KRTAP10-12: variants seen among roughly 807,000 people sequenced by gnomAD.
KRTAP10-12 encodes keratin-associated protein 10-12.
For synonymous variants in KRTAP10-12, 142 were observed against 139.1 expected (o/e 1.02, Z -0.14); for missense variants, 311 against 324.4 (o/e 0.96, Z 0.32).
Position 44,697,186 on chromosome 21 carries a change from C to T in KRTAP10-12, c.-16C>T. 1.2e-6 allele frequency: 2 copies of T among 1,610,210 alleles called. No homozygotes were observed. The highest frequency in any genetic ancestry group is 1.7e-6 in the Non-Finnish European group (2 of 1,177,958). ...TCAGCTCCCCCAGCTCAACCCCCAGCACGGCTGCATCCACCATGTCCGTCT... is the reference window on the plus strand; with the variant it reads ...TCAGCTCCCCCAGCTCAACCCCCAGTACGGCTGCATCCACCATGTCCGTCT... On this transcript the variant is annotated 5_prime_UTR_variant, in exon 1 of 1. Transcript: ENST00000400365.
In KRTAP10-12 at chr21:44,697,426, C is replaced by T. The variant is rs782731388; in HGVS notation, c.225C>T (p.Gly75=). 1 of 1,613,952 alleles carries T rather than the reference C, an allele frequency of 6.2e-7. No homozygotes were observed. Among genetic ancestry groups the T allele is most frequent in the Non-Finnish European group, 8.5e-7 (1 of 1,180,018 alleles). ...GTGAGCCCAGCCCCTGCCAATCAGGCTGCACCAGCTCCTGCACGCCCTCGT... is the reference window on the plus strand; with the variant it reads ...GTGAGCCCAGCCCCTGCCAATCAGGTTGCACCAGCTCCTGCACGCCCTCGT... ...VTCEPSPCQS[G]CTSSCTPSCC... The change falls in exon 1 of 1, where the codon GGC becomes GGT. Residue 75 remains glycine (G), a synonymous_variant. Coordinates refer to ENST00000400365, the MANE Select transcript of KRTAP10-12 (RefSeq NM_198699.1).
rs1555950714 is a variant in KRTAP10-12 at position 44,697,222 on chromosome 21, C to T, written c.21C>T (p.Asp7=). The change falls in exon 1 of 1, where the codon GAC becomes GAT. Residue 7 remains aspartate (D), a synonymous_variant. Coordinates refer to ENST00000400365, the MANE Select transcript of KRTAP10-12 (RefSeq NM_198699.1). The stretch of plus-strand genomic sequence containing the variant: ...CCACCATGTCCGTCTGCTCCAGCGA[C>T]CTGAGCTATGGCAGCCGCGTCTGCC... MSVCSS[D]LSYGSRVCLP... 1 of 1,613,934 alleles carries T rather than the reference C, an allele frequency of 6.2e-7. No homozygotes were observed. Among genetic ancestry groups the T allele is most frequent in the African/African-American group, 1.3e-5 (1 of 74,928 alleles).
At position 44,697,436 on chromosome 21, in the gene KRTAP10-12, T is replaced by C. The variant is rs782454906; in HGVS notation, c.235T>C (p.Ser79Pro). ...PSPCQSGCTS[S>P]CTPSCCQQSS... ...CCCCTGCCAATCAGGCTGCACCAGC[T>C]CCTGCACGCCCTCGTGCTGCCAGCA... Residue 79 changes from serine (S) to proline (P), a missense_variant, in exon 1 of 1, where the codon TCC (serine) becomes CCC (proline). Transcript: ENST00000400365. The C allele has an allele frequency of 1.9e-6, 3 of 1,613,864 alleles. No homozygotes were observed. Among genetic ancestry groups the C allele is most frequent in the Admixed American group, 1.7e-5 (1 of 60,010 alleles).
Position 44,697,755 on chromosome 21 carries a change from C to T in KRTAP10-12, c.554C>T (p.Thr185Ile), listed in dbSNP as rs782260028. 1.9e-6 allele frequency: 3 copies of T among 1,614,096 alleles called. No individual in the cohort carries two copies. Among genetic ancestry groups the T allele is most frequent in the South Asian group, 2.2e-5 (2 of 91,070 alleles). The change falls in exon 1 of 1, where the codon ACC becomes ATC. Residue 185 changes from threonine (T) to isoleucine (I), a missense_variant. Transcript: ENST00000400365. ...TCTAGCTGCCAGCCAGCTTGCTGCA[C>T]CACCTCCTGCTGCAGACCCTCCTCC... ...QQSSCQPACC[T>I]TSCCRPSSSV...
chr21:44,697,250 C>T lies in KRTAP10-12; in HGVS notation c.49C>T (p.Pro17Ser), dbSNP rs782534862. The change falls in exon 1 of 1, where the codon CCT (proline) becomes TCT (serine). Residue 17 changes from proline (P) to serine (S), a missense_variant. Pro to Ser is a moderately conservative substitution (Grantham distance 74, BLOSUM62 -1). Coordinates refer to ENST00000400365, the MANE Select transcript of KRTAP10-12 (RefSeq NM_198699.1). ...GAGCTATGGCAGCCGCGTCTGCCTT[C>T]CTGGTTCCTGTGACTCTTGCTCCGA... is the stretch of plus-strand genomic sequence containing the variant. Reference protein sequence around the residue: ...DLSYGSRVCLPGSCDSCSDSW... With the variant: ...DLSYGSRVCLSGSCDSCSDSW... 1 of 1,613,996 alleles carries T rather than the reference C, an allele frequency of 6.2e-7. No individual in the cohort carries two copies. The highest frequency in any genetic ancestry group is 1.1e-5 in the South Asian group (1 of 91,074).
chr21:44,697,560 G>A lies in KRTAP10-12; in HGVS notation c.359G>A (p.Cys120Tyr). ...CKTVCCKPVC[C>Y]MPVCCGPSSS... ...ACTGTCTGCTGCAAGCCTGTGTGCT[G>A]TATGCCCGTCTGCTGTGGGCCTTCT... The change falls in exon 1 of 1, where the codon TGT becomes TAT. Residue 120 changes from cysteine to tyrosine, a missense_variant. Transcript: ENST00000400365. 1 of 1,613,116 alleles carries A rather than the reference G, an allele frequency of 6.2e-7. No individual in the cohort carries two copies. The highest frequency in any genetic ancestry group is 8.5e-7 in the Non-Finnish European group (1 of 1,179,784).
chr21:44,697,259 T>C lies in KRTAP10-12; in HGVS notation c.58T>C (p.Cys20Arg), dbSNP rs782230840. Residue 20 changes from cysteine to arginine, a missense_variant, in exon 1 of 1, where the codon TGT (cysteine) becomes CGT (arginine). Coordinates refer to ENST00000400365, the MANE Select transcript of KRTAP10-12 (RefSeq NM_198699.1). ...YGSRVCLPGS[C>R]DSCSDSWQVD... ...CAGCCGCGTCTGCCTTCCTGGTTCC[T>C]GTGACTCTTGCTCCGACTCCTGGCA... 6 of 1,613,998 alleles carry C rather than the reference T, an allele frequency of 3.7e-6. No homozygotes were observed. Among genetic ancestry groups the C allele is most frequent in the Non-Finnish European group, 5.1e-6 (6 of 1,180,010 alleles).
chr21:44,697,804 T>C lies in KRTAP10-12; in HGVS notation c.603T>C (p.Pro201=), dbSNP rs200747086. The C allele has an allele frequency of 2.6e-3, 4,149 of 1,613,228 alleles. 5 individuals carry two copies. The highest frequency in any genetic ancestry group is 3.3e-3 in the Non-Finnish European group (3,946 of 1,179,750). Residue 201 remains proline (P), a synonymous_variant, in exon 1 of 1, where the codon CCT becomes CCC. Coordinates refer to ENST00000400365, the MANE Select transcript of KRTAP10-12 (RefSeq NM_198699.1). ...PSSSVSLLCR[P]VCRPARRVPV... ...CCTCCGTGTCCCTCCTCTGCCGCCC[T>C]GTGTGCAGACCCGCCCGCCGCGTGC...
chr21:44,697,218 G>A lies in KRTAP10-12; in HGVS notation c.17G>A (p.Ser6Asn). Residue 6 changes from serine to asparagine, a missense_variant, in exon 1 of 1, where the codon AGC becomes AAC. By Grantham distance (46) the Ser-to-Asn change is conservative. Transcript: ENST00000400365. ...GCATCCACCATGTCCGTCTGCTCCAGCGACCTGAGCTATGGCAGCCGCGTC... is the reference window on the plus strand; with the variant it reads ...GCATCCACCATGTCCGTCTGCTCCAACGACCTGAGCTATGGCAGCCGCGTC... The part of the protein sequence containing the change: MSVCS[S>N]DLSYGSRVCL... 2 of 1,613,922 alleles carry A rather than the reference G, an allele frequency of 1.2e-6. No individual in the cohort carries two copies. Among genetic ancestry groups the A allele is most frequent in the Non-Finnish European group, 1.7e-6 (2 of 1,179,954 alleles).
rs782412662 is a variant in KRTAP10-12, at chr21:44,697,797, GCCGCCCTGTGTGCAGACCCGC to G, written c.602_622del (p.Pro201_Arg207del). 1.7e-5 allele frequency: 28 copies of G among 1,613,552 alleles called. No individual in the cohort carries two copies. The highest frequency in any genetic ancestry group is 2.3e-5 in the Non-Finnish European group (27 of 1,179,886). The stretch of plus-strand genomic sequence containing the variant: ...CCCTCCTCCTCCGTGTCCCTCCTCT[GCCGCCCTGTGTGCAGACCCGC>G]CCGCCGCGTGCCCGTCCCCTCCTGC... On this transcript the variant is annotated inframe_deletion, in exon 1 of 1. Transcript: ENST00000400365.
At position 44,697,242 on chromosome 21, in the gene KRTAP10-12, T is replaced by C. The variant is rs906503464; in HGVS notation, c.41T>C (p.Val14Ala). ...CSSDLSYGSR[V>A]CLPGSCDSCS... is the part of the protein sequence containing the mutation. ...AGCGACCTGAGCTATGGCAGCCGCG[T>C]CTGCCTTCCTGGTTCCTGTGACTCT... Residue 14 changes from valine (V) to alanine (A), a missense_variant, in exon 1 of 1, where the codon GTC becomes GCC. By Grantham distance (64) the Val-to-Ala change is moderately conservative. Coordinates refer to ENST00000400365, the MANE Select transcript of KRTAP10-12 (RefSeq NM_198699.1). 3 of 1,614,036 alleles carry C rather than the reference T, an allele frequency of 1.9e-6. No individual in the cohort carries two copies. The highest frequency in any genetic ancestry group is 1.7e-6 in the Non-Finnish European group (2 of 1,179,976).
chr21:44,697,862 T>A lies in KRTAP10-12; in HGVS notation c.661T>A (p.Cys221Ser), dbSNP rs1051212333. Residue 221 changes from cysteine (C) to serine (S), a missense_variant, in exon 1 of 1, where the codon TGC becomes AGC. Physicochemically the swap from Cys to Ser is moderately radical, Grantham distance 112 (BLOSUM62 -1). Coordinates refer to ENST00000400365, the MANE Select transcript of KRTAP10-12 (RefSeq NM_198699.1). ...VPSCCVPTSS[C>S]QPSCGRLASC... Reference sequence around the variant, plus strand: ...CTCCTGCTGTGTCCCCACCTCCTCCTGCCAGCCAAGCTGCGGCCGCCTGGC... The same window carrying A: ...CTCCTGCTGTGTCCCCACCTCCTCCAGCCAGCCAAGCTGCGGCCGCCTGGC... The A allele has an allele frequency of 6.2e-7, 1 of 1,603,676 alleles. No individual in the cohort carries two copies. The highest frequency in any genetic ancestry group is 8.5e-7 in the Non-Finnish European group (1 of 1,174,912).
Position 44,697,710 on chromosome 21 carries a change from C to T in KRTAP10-12, c.509C>T (p.Ser170Phe), listed in dbSNP as rs1279159497. The change falls in exon 1 of 1, where the codon TCC becomes TTC. Residue 170 changes from serine (S) to phenylalanine (F), a missense_variant. By Grantham distance (155) the Ser-to-Phe change is radical (BLOSUM62 -2). Coordinates refer to ENST00000400365, the MANE Select transcript of KRTAP10-12 (RefSeq NM_198699.1). ...TGTGTGCCTGTCTGCTCTGGGGCCTCCTCTCTGTGCTGCCAGCAGTCTAGC... is the reference window on the plus strand; with the variant it reads ...TGTGTGCCTGTCTGCTCTGGGGCCTTCTCTCTGTGCTGCCAGCAGTCTAGC... ...ICCVPVCSGA[S>F]SLCCQQSSCQ... 3.7e-6 allele frequency: 6 copies of T among 1,613,256 alleles called. No homozygotes were observed. In the East Asian group the frequency reaches 6.7e-5, roughly 18 times the overall value.
In KRTAP10-12 at chr21:44,697,618, A is replaced by C. The variant is rs781799817; in HGVS notation, c.417A>C (p.Pro139=). 1 of 1,612,846 alleles carries C rather than the reference A, an allele frequency of 6.2e-7. No homozygotes were observed. The highest frequency in any genetic ancestry group is 2.2e-5 in the East Asian group (1 of 44,828). The change falls in exon 1 of 1, where the codon CCA becomes CCC. Residue 139 remains proline, a synonymous_variant. Coordinates refer to ENST00000400365, the MANE Select transcript of KRTAP10-12 (RefSeq NM_198699.1). ...GCTGCCAGCAGTCTAGCTGCCAGCCAGCTTGCTGCATCTCCTCCCCGTGTC... is the reference window on the plus strand; with the variant it reads ...GCTGCCAGCAGTCTAGCTGCCAGCCCGCTTGCTGCATCTCCTCCCCGTGTC... The part of the protein sequence containing the change: ...SSCCQQSSCQ[P]ACCISSPCQQ...
chr21:44,697,814 C>T lies in KRTAP10-12; in HGVS notation c.613C>T (p.Pro205Ser). 6.2e-7 allele frequency: 1 copy of T among 1,613,668 alleles called. No individual in the cohort carries two copies. Among genetic ancestry groups the T allele is most frequent in the Non-Finnish European group, 8.5e-7 (1 of 1,179,886 alleles). The change falls in exon 1 of 1, where the codon CCC becomes TCC. Residue 205 changes from proline to serine, a missense_variant. Transcript: ENST00000400365. Reference sequence around the variant, plus strand: ...CCTCCTCTGCCGCCCTGTGTGCAGACCCGCCCGCCGCGTGCCCGTCCCCTC... The same window carrying T: ...CCTCCTCTGCCGCCCTGTGTGCAGATCCGCCCGCCGCGTGCCCGTCCCCTC... ...VSLLCRPVCR[P>S]ARRVPVPSCC... is the part of the protein sequence containing the mutation.
Position 44,697,215 on chromosome 21 carries a change from C to G in KRTAP10-12, c.14C>G (p.Ser5Cys), listed in dbSNP as rs369832647. Residue 5 changes from serine (S) to cysteine (C), a missense_variant, in exon 1 of 1, where the codon TCC becomes TGC. Physicochemically the swap from Ser to Cys is moderately radical, Grantham distance 112 (BLOSUM62 -1). Transcript: ENST00000400365. The part of the protein sequence containing the change: MSVC[S>C]SDLSYGSRVC... ...GCTGCATCCACCATGTCCGTCTGCT[C>G]CAGCGACCTGAGCTATGGCAGCCGC... The G allele has an allele frequency of 3.5e-5, 56 of 1,613,764 alleles. No individual in the cohort carries two copies. The African/African-American group carries it at 6.1e-4, about 18-fold the overall frequency.
In KRTAP10-12 at chr21:44,697,475, C is replaced by A. The variant is rs782175425; in HGVS notation, c.274C>A (p.Pro92Thr). 1.9e-6 allele frequency: 3 copies of A among 1,613,862 alleles called. No individual in the cohort carries two copies. Among genetic ancestry groups the A allele is most frequent in the Middle Eastern group, 3.3e-4 (2 of 6,052 alleles). Residue 92 changes from proline (P) to threonine (T), a missense_variant, in exon 1 of 1, where the codon CCG becomes ACG. Pro to Thr is a conservative substitution (Grantham distance 38, BLOSUM62 -1). Coordinates refer to ENST00000400365, the MANE Select transcript of KRTAP10-12 (RefSeq NM_198699.1). ...GTGCTGCCAGCAGTCTAGCTGCCAGCCGGCTTGCTGCACCTCCTCCCCCTG... is the reference window on the plus strand; with the variant it reads ...GTGCTGCCAGCAGTCTAGCTGCCAGACGGCTTGCTGCACCTCCTCCCCCTG... The part of the protein sequence containing the change: ...PSCCQQSSCQ[P>T]ACCTSSPCQQ...
rs1555950852 is a variant in KRTAP10-12, at chr21:44,697,520, C to T, written c.319C>T (p.Pro107Ser). 1 of 1,613,892 alleles carries T rather than the reference C, an allele frequency of 6.2e-7. No homozygotes were observed. Among genetic ancestry groups the T allele is most frequent in the Admixed American group, 1.7e-5 (1 of 59,982 alleles). ...SSPCQQACCV[P>S]VCCKTVCCKP... ...CCCCTGCCAGCAGGCCTGCTGCGTG[C>T]CCGTCTGCTGCAAGACTGTCTGCTG... The change falls in exon 1 of 1, where the codon CCC (proline) becomes TCC (serine). Residue 107 changes from proline to serine, a missense_variant. Transcript: ENST00000400365.
In KRTAP10-12 at chr21:44,697,915, C is replaced by A. The variant is rs781998543; in HGVS notation, c.714C>A (p.Pro238=). 5 of 1,612,404 alleles carry A rather than the reference C, an allele frequency of 3.1e-6. No individual in the cohort carries two copies. In the Admixed American group the frequency reaches 8.3e-5, roughly 27 times the overall value. ...CCTGCGGGTCCCTCCTCTGCCGCCC[C>A]ACATGTTCCCGCCTGGCCTGCTGAG... ...LASCGSLLCR[P]TCSRLAC The change falls in exon 1 of 1, where the codon CCC becomes CCA. Residue 238 remains proline (P), a synonymous_variant. Coordinates refer to ENST00000400365, the MANE Select transcript of KRTAP10-12 (RefSeq NM_198699.1).
Sources: gnomAD v4.1 joint callset for allele counts on GRCh38, gnomAD v4.1.1 for gene constraint, MANE v1.5 for transcripts, NCBI Gene and HGNC (gene_info 2026-07-23, HGNC 2026-07-21) for gene names.